LMBR1: variants seen among roughly 807,000 people sequenced by gnomAD.
The protein encoded by LMBR1 is limb development membrane protein 1.
Under a neutral mutation model 73.9 loss-of-function variants are expected in LMBR1, and 52 were observed. The ratio of observed to expected loss-of-function variants is 0.70; its 90% CI spans 0.56 to 0.89. The LOEUF is 0.89. Ranked by LOEUF, LMBR1 falls within the 40% of genes least tolerant of loss-of-function variation. The probability of loss-of-function intolerance (pLI) is 0.00; values close to 1 mark genes in which losing one functional copy is unlikely to be tolerated. For synonymous variants in LMBR1, 215 were observed against 209.4 expected (o/e 1.03, Z -0.23); for missense variants, 539 against 579.8 (o/e 0.93, Z 0.72).
At chr7:156,699,286 C>A (rs201507754) in intron 15 of LMBR1, among the ~76,000 whole-genome samples, 2 of 151,982 alleles carry the variant, frequency 1.3e-5, no homozygotes, top group Non-Finnish European at 2.9e-5. Flanking sequence ...ACAAACCTGA[C>A]AAAAACAAGA....
intron 1 of LMBR1, among the ~76,000 whole-genome samples, chr7:156,860,888 T>C (rs376717635): frequency 5.4e-4 from 82 of 152,360 alleles, no homozygotes; most frequent in African/African-American, 1.8e-3. Context: ...CCTACAGCCT[T>C]GGGCAGCTCC....
Position 156,826,649 on chromosome 7 carries a change from G to A in LMBR1, c.275C>T (p.Pro92Leu), listed in dbSNP as rs1329133827. 2 of 1,599,340 alleles carry A rather than the reference G, an allele frequency of 1.3e-6. No homozygotes were observed. Among genetic ancestry groups the A allele is most frequent in the Non-Finnish European group, 1.7e-6 (2 of 1,171,674 alleles). Residue 92 changes from proline to leucine, a missense_variant, in exon 4 of 17, where the codon CCT becomes CTT. Physicochemically the swap from Pro to Leu is moderately conservative, Grantham distance 98 (BLOSUM62 -3). This residue lies in a region of LMBR1 where 454 missense variants were observed against 473.4 expected (regional missense o/e 0.96). Transcript: ENST00000353442. The stretch of plus-strand genomic sequence containing the variant: ...TAGCCACTGAATATAGTAGTTCTGA[G>A]GAAAAGAAAGCAGGATTTCATTGCT... ...IISNEILLSF[P>L]QNYYIQWLNG...
intron 1 of LMBR1, among the ~76,000 whole-genome samples, chr7:156,868,161 A>C (rs1472984654): frequency 6.6e-6 from 1 of 151,770 alleles, no homozygotes; most frequent in Non-Finnish European, 1.5e-5. Flanking sequence ...GAATCATGAG[A>C]TCTATAGATC....
intron 15 of LMBR1, among the ~76,000 whole-genome samples, chr7:156,697,675 C>A (rs1808625301): frequency 6.6e-6 from 1 of 152,190 alleles, no homozygotes; most frequent in Admixed American, 6.5e-5. Flanking sequence ...TTCTGCCCGA[C>A]CCCGCAGGCA....
chr7:156,878,236 C>A (rs1342712327), intron 1 of LMBR1, among the ~76,000 whole-genome samples: 1 of 152,084 alleles, frequency 6.6e-6, no homozygotes, highest in Non-Finnish European at 1.5e-5. Flanking sequence ...TAAAGGGCAT[C>A]CAAATTGGTA....
At chr7:156,830,294 C>T (rs910393320) in intron 3 of LMBR1, among the ~76,000 whole-genome samples, 3 of 151,972 alleles carry the variant, frequency 2.0e-5, no homozygotes, top group African/African-American at 7.3e-5. Context: ...AACTCCACTG[C>T]AAAATACAGA....
chr7:156,772,830 A>C (rs1825445737), intron 5 of LMBR1, among the ~76,000 whole-genome samples: 1 of 151,984 alleles, frequency 6.6e-6, no homozygotes, highest in Admixed American at 6.6e-5. Flanking sequence ...CCTGGACGAC[A>C]AAAAACGAAA....
intron 4 of LMBR1, among the ~76,000 whole-genome samples, chr7:156,808,660 G>A (rs1258318598): frequency 6.6e-6 from 1 of 151,948 alleles, no homozygotes; most frequent in African/African-American, 2.4e-5. Flanking sequence ...CTTCTTCTAT[G>A]TTCCCACAGA....
downstream of LMBR1, among the ~76,000 whole-genome samples, chr7:156,673,783 G>A (rs1414148989): frequency 6.6e-6 from 1 of 152,076 alleles, no homozygotes; most frequent in Non-Finnish European, 1.5e-5. Flanking sequence ...TCGACCCTGC[G>A]CTGTCTCACG....
intron 5 of LMBR1, among the ~76,000 whole-genome samples, chr7:156,773,468 G>A (rs1212507609): frequency 2.0e-5 from 3 of 152,052 alleles, no homozygotes; most frequent in Admixed American, 6.5e-5. Flanking sequence ...GTAACCAAAC[G>A]AGCATGGTAC....
intron 4 of LMBR1, among the ~76,000 whole-genome samples, chr7:156,807,687 GATCT>G (rs1832385982): frequency 6.6e-6 from 1 of 151,932 alleles, no homozygotes; most frequent in Non-Finnish European, 1.5e-5. Flanking sequence ...CCTTCTTTGG[GATCT>G]ATTCGTTGAC....
intron 15 of LMBR1, among the ~76,000 whole-genome samples, chr7:156,703,321 GAA>G (rs2132085073): frequency 6.6e-6 from 1 of 152,342 alleles, no homozygotes; most frequent in Non-Finnish European, 1.5e-5. Flanking sequence ...CCAGAACTGA[GAA>G]ATGAGCATGA....
In LMBR1 at chr7:156,881,342, G is replaced by A. The variant is rs181925956; in HGVS notation, c.66+11586C>T. The stretch of plus-strand genomic sequence containing the variant: ...CCATACACAAAAATCAACTTACAAA[G>A]GATTAAAGACTTAAATGTAAAACAT... On this transcript the variant is annotated intron_variant, in intron 1 of 16. Coordinates refer to ENST00000353442, the MANE Select transcript of LMBR1 (RefSeq NM_022458.4). Among the ~76,000 whole-genome samples, 467 of 152,182 alleles carry A rather than the reference G, an allele frequency of 3.1e-3. 1 individual carries two copies. The highest frequency in any genetic ancestry group is 5.6e-3 in the Non-Finnish European group (380 of 68,002).
At chr7:156,849,190 G>A (rs1327957362) in intron 1 of LMBR1, among the ~76,000 whole-genome samples, 2 of 152,132 alleles carry the variant, frequency 1.3e-5, no homozygotes, top group East Asian at 3.8e-4. Flanking sequence ...AAGTGAATGA[G>A]ATCATGTCCT....
intron 1 of LMBR1, among the ~76,000 whole-genome samples, chr7:156,849,038 G>A (rs565911006): frequency 5.9e-5 from 9 of 151,742 alleles, no homozygotes; most frequent in African/African-American, 1.2e-4. Flanking sequence ...TCATTCTACC[G>A]TAAAGACACA....
chr7:156,701,908 T>G (rs1277550104), intron 15 of LMBR1, among the ~76,000 whole-genome samples: 1 of 152,226 alleles, frequency 6.6e-6, no homozygotes, highest in Non-Finnish European at 1.5e-5. Flanking sequence ...GTTAGTTTGC[T>G]GAGGATAATG....
intron 4 of LMBR1, among the ~76,000 whole-genome samples, chr7:156,807,890 T>C (rs1251813831): frequency 6.6e-6 from 1 of 152,212 alleles, no homozygotes; most frequent in Non-Finnish European, 1.5e-5. Flanking sequence ...TTGTAAAGTA[T>C]GTTATCAATT....
chr7:156,785,437 G>A (rs10250838), intron 5 of LMBR1, among the ~76,000 whole-genome samples: 10,908 of 152,198 alleles, frequency 0.072, 451 homozygotes, highest in East Asian at 0.15. Context: ...CTTCACGCAA[G>A]CCAAATAAGA....
chr7:156,740,408 A>G (rs1394981139), intron 9 of LMBR1, among the ~76,000 whole-genome samples: 1 of 152,210 alleles, frequency 6.6e-6, no homozygotes, highest in East Asian at 1.9e-4. Context: ...AAGGTTATAG[A>G]ACACCAAGTA....
Sources: gnomAD v4.1 joint callset for allele counts (sites outside exome capture counted in the v4.1 genomes callset) on GRCh38, gnomAD v4.1.1 for gene constraint, gnomAD v4.1.1 regional missense constraint, MANE v1.5 for transcripts, NCBI Gene and HGNC (gene_info 2026-07-23, HGNC 2026-07-21) for gene names.